The following FAM107B variants were observed in gnomAD, a reference collection of about 807,000 sequenced individuals.
FAM107B encodes family with sequence similarity 107 member B, also known as protein FAM107B.
In FAM107B, 21 loss-of-function variants were observed where a neutral mutation model predicts 31.5. The observed-to-expected ratio is 0.67, with a 90% CI of 0.47 to 0.96. The LOEUF is 0.96. Ranked by LOEUF, FAM107B falls within the 40% of genes least tolerant of loss-of-function variation. The pLI is 0.00. For synonymous variants in FAM107B, 157 were observed against 141.5 expected (o/e 1.11, Z -0.78); for missense variants, 452 against 377.1 (o/e 1.20, Z -1.64).
rs182997801 is a variant in FAM107B at position 14,533,931 on chromosome 10, G to A, written c.470-3416C>T. Among the ~76,000 whole-genome samples the A allele has an allele frequency of 4.0e-4, 61 of 152,260 alleles. 1 individual carries two copies. The South Asian group carries it at 9.8e-3, about 24-fold the overall frequency. ...CGGGCACTGCGAGCCGGTGCAGGAG[G>A]GGGGGGCTGCGGTTGACTTTTCAGA... On this transcript the variant is annotated intron_variant, in intron 2 of 4. Transcript: ENST00000181796.
chr10:14,646,179 T>TA (rs1317639557), intron 2 of FAM107B, among the ~76,000 whole-genome samples: 1 of 152,178 alleles, frequency 6.6e-6, no homozygotes, highest in Non-Finnish European at 1.5e-5. Context: ...CTTACCCACT[T>TA]AAAAAAATGT....
At chr10:14,582,676 C>G (rs570800676) in intron 2 of FAM107B, among the ~76,000 whole-genome samples, 2 of 152,092 alleles carry the variant, frequency 1.3e-5, no homozygotes, top group Non-Finnish European at 2.9e-5. Flanking sequence ...CACACCCAGC[C>G]TACCCACATG....
In FAM107B at chr10:14,766,461, C is replaced by T. The variant is rs140492891; in HGVS notation, c.411+7792G>A. 2.5e-3 allele frequency among the ~76,000 whole-genome samples: 383 copies of T among 152,192 alleles called. 6 individuals carry two copies. Among genetic ancestry groups the T allele is most frequent in the African/African-American group, 9.0e-3 (374 of 41,540 alleles). ...ATGGATTAGATGCTTAGTAGCCTCA[C>T]GGAGTTCCAGTTTCCTTGTCAGGTA... On this transcript the variant is annotated intron_variant, in intron 1 of 4. Coordinates refer to ENST00000181796, the MANE Select transcript of FAM107B (RefSeq NM_031453.4).
At chr10:14,632,558 C>T (rs1007079318) in intron 2 of FAM107B, among the ~76,000 whole-genome samples, 1 of 149,076 alleles carries the variant, frequency 6.7e-6, no homozygotes, top group African/African-American at 2.5e-5. Context: ...TTGCAGTGAG[C>T]CGAGATTGCG....
intron 2 of FAM107B, among the ~76,000 whole-genome samples, chr10:14,653,535 G>C (rs1853956718): frequency 6.6e-6 from 1 of 152,156 alleles, no homozygotes; most frequent in Non-Finnish European, 1.5e-5. Flanking sequence ...CCATGGTTCG[G>C]GAACTTTTCC....
At position 14,693,457 on chromosome 10, in the gene FAM107B, G is replaced by A. The variant is rs184142186; in HGVS notation, c.412-25766C>T. ...GGTGCCACTGCACTCCAGCCTCGGCGACAGAGTGACACCGTCTCAAAAAAA... is the reference window on the plus strand; with the variant it reads ...GGTGCCACTGCACTCCAGCCTCGGCAACAGAGTGACACCGTCTCAAAAAAA... On this transcript the variant is annotated intron_variant, in intron 1 of 4. Coordinates refer to ENST00000181796, the MANE Select transcript of FAM107B (RefSeq NM_031453.4). Among the ~76,000 whole-genome samples, 1,315 of 144,476 alleles carry A rather than the reference G, an allele frequency of 9.1e-3. 17 individuals are homozygous for A. The highest frequency in any genetic ancestry group is 0.029 in the African/African-American group (1,127 of 38,746). The allele number at this position is 144,476 out of a possible 152,430, so 94.8% of individuals were successfully genotyped here. A position where few individuals can be genotyped will look rare whatever the true frequency, so the allele number is the denominator to read the frequency against.
chr10:14,700,958 G>T (rs1855386216), intron 1 of FAM107B, among the ~76,000 whole-genome samples: 1 of 151,338 alleles, frequency 6.6e-6, no homozygotes, highest in African/African-American at 2.4e-5. Flanking sequence ...CTGTAATCCA[G>T]CAAGAGCTTT....
rs57922026 is a variant in FAM107B, at chr10:14,705,023, C to CAAAAAAA, written c.412-37339_412-37333dup. On this transcript the variant is annotated intron_variant, in intron 1 of 4. Transcript: ENST00000181796. Reference sequence around the variant, plus strand: ...TGAGCAATGGAGTGAGACCCTGTCACAAAAAAAAAAAAAAAAAAAATAGAC... The same window carrying CAAAAAAA: ...TGAGCAATGGAGTGAGACCCTGTCACAAAAAAAAAAAAAAAAAAAAAAAAAAATAGAC... Among the ~76,000 whole-genome samples the CAAAAAAA allele has an allele frequency of 4.3e-3, 380 of 87,842 alleles. 12 individuals are homozygous for CAAAAAAA. Among genetic ancestry groups the CAAAAAAA allele is most frequent in the African/African-American group, 0.017 (362 of 21,066 alleles). The allele number at this position is 87,842 out of a possible 152,430, so 57.6% of individuals were successfully genotyped here.
chr10:14,753,765 G>A (rs1832874930), intron 1 of FAM107B, among the ~76,000 whole-genome samples: 1 of 150,642 alleles, frequency 6.6e-6, no homozygotes, highest in South Asian at 2.1e-4. Context: ...AAGAAGAGAA[G>A]AAAATATGCT....
intron 2 of FAM107B, chr10:14,534,812 C>T (rs989416217): frequency 6.6e-6 from 1 of 152,256 alleles, no homozygotes; most frequent in African/African-American, 2.4e-5. Context: ...ATCTTATCCT[C>T]TCTTCACTGC....
chr10:14,568,606 G>C, intron 2 of FAM107B, among the ~76,000 whole-genome samples: 1 of 150,938 alleles, frequency 6.6e-6, no homozygotes, highest in Non-Finnish European at 1.5e-5. Flanking sequence ...AGGAGGTGAA[G>C]ATACTCAGGT....
At chr10:14,554,194 A>C in intron 2 of FAM107B, 1 of 979,620 alleles carries the variant, frequency 1.0e-6, no homozygotes, top group Non-Finnish European at 1.2e-6. Flanking sequence ...CTACCCTCCC[A>C]CTGCCTTACT....
At chr10:14,764,618 A>G (rs1320515970) in intron 1 of FAM107B, among the ~76,000 whole-genome samples, 4 of 152,176 alleles carry the variant, frequency 2.6e-5, no homozygotes, top group Non-Finnish European at 2.9e-5. Flanking sequence ...TTTTCTTTGG[A>G]AAGGAGGAAC....
chr10:14,697,198 G>C (rs760827439), intron 1 of FAM107B, among the ~76,000 whole-genome samples: 1 of 152,166 alleles, frequency 6.6e-6, no homozygotes, highest in Non-Finnish European at 1.5e-5. Flanking sequence ...AAGAGGAGCT[G>C]GAAAGGGCTG....
chr10:14,566,515 C>A (rs1474393592), intron 2 of FAM107B, among the ~76,000 whole-genome samples: 1 of 152,094 alleles, frequency 6.6e-6, no homozygotes, highest in Admixed American at 6.5e-5. Flanking sequence ...TCTGATGAGA[C>A]CACAGCCCTG....
At chr10:14,697,539 G>C (rs117634566) in intron 1 of FAM107B, among the ~76,000 whole-genome samples, 1 of 152,126 alleles carries the variant, frequency 6.6e-6, no homozygotes, top group Non-Finnish European at 1.5e-5. Context: ...TTCCTCTTAC[G>C]ATAGCCTTGA....
At chr10:14,569,564 A>C (rs1851014475) in intron 2 of FAM107B, among the ~76,000 whole-genome samples, 1 of 152,186 alleles carries the variant, frequency 6.6e-6, no homozygotes, top group African/African-American at 2.4e-5. Context: ...TCCTCAACTC[A>C]AGAACAACAC....
intron 2 of FAM107B, among the ~76,000 whole-genome samples, chr10:14,570,112 G>A (rs771962441): frequency 3.3e-5 from 5 of 152,144 alleles, no homozygotes; most frequent in African/African-American, 9.7e-5. Context: ...GAAAAAAACT[G>A]TATGTAAATA....
chr10:14,528,429 G>T (rs536752794), intron 3 of FAM107B, among the ~76,000 whole-genome samples: 1 of 152,226 alleles, frequency 6.6e-6, no homozygotes, highest in East Asian at 1.9e-4. Flanking sequence ...GGATCCACCT[G>T]CCTTGGCTTC....
Sources: gnomAD v4.1 joint callset for allele counts (sites outside exome capture counted in the v4.1 genomes callset) on GRCh38, gnomAD v4.1.1 for gene constraint, MANE v1.5 for transcripts, NCBI Gene and HGNC (gene_info 2026-07-23, HGNC 2026-07-21) for gene names.